The following PCDHGB4 variants were observed in gnomAD, a reference collection of about 807,000 sequenced individuals.
PCDHGB4 encodes the protein protocadherin gamma subfamily B, 4.
In PCDHGB4, 38 loss-of-function variants were observed where a neutral mutation model predicts 60.5. That is an observed-to-expected ratio of 0.63 (90% CI 0.48 to 0.82). PCDHGB4 has a LOEUF of 0.82. PCDHGB4 is among the 40% of genes least tolerant of loss of function. The pLI, the probability that PCDHGB4 is intolerant of heterozygous loss-of-function variation, is 0.00. For missense variants in PCDHGB4, 1,109 were observed against 1,209.6 expected (o/e 0.92, Z 1.23); for synonymous variants, 456 against 509.7 (o/e 0.89, Z 1.42).
intron 1 of PCDHGB4, chr5:141,415,349 A>G (rs921019257): frequency 1.2e-6 from 2 of 1,614,220 alleles, no homozygotes; most frequent in Non-Finnish European, 1.7e-6. Flanking sequence ...CGCTGGCACA[A>G]GTCACGCCTG....
chr5:141,414,990 C>A (rs1442265707), intron 1 of PCDHGB4: 5 of 1,613,794 alleles, frequency 3.1e-6, no homozygotes, highest in Admixed American at 1.7e-5. Context: ...CCGGCCAGAA[C>A]GCCTGGCTGT....
intron 1 of PCDHGB4, chr5:141,409,027 TGA>T: frequency 1.9e-6 from 3 of 1,613,978 alleles, no homozygotes; most frequent in Non-Finnish European, 2.5e-6. Context: ...GGGTCAATGC[TGA>T]GATAAACTAC....
intron 1 of PCDHGB4, chr5:141,413,635 A>C: frequency 6.2e-7 from 1 of 1,613,888 alleles, no homozygotes; most frequent in Non-Finnish European, 8.5e-7. Context: ...CGCTGCGGGA[A>C]TGCGTTTTCC....
At chr5:141,403,348 G>C (rs1031512427) in intron 1 of PCDHGB4, 2 of 1,614,052 alleles carry the variant, frequency 1.2e-6, no homozygotes, top group Middle Eastern at 1.6e-4. Flanking sequence ...GCGCCCCAAA[G>C]TTCCAGGCCG....
intron 1 of PCDHGB4, chr5:141,404,997 C>T: frequency 6.2e-7 from 1 of 1,614,034 alleles, no homozygotes; most frequent in East Asian, 2.2e-5. Flanking sequence ...CAGATCCCTG[C>T]AGACCTGGAG....
rs754935227 is a variant in PCDHGB4 at position 141,395,069 on chromosome 5, C to G, written c.2397+4788C>G. The G allele has an allele frequency of 3.7e-6, 6 of 1,614,006 alleles. No homozygotes were observed. In the African/African-American group the frequency reaches 8.0e-5, roughly 22 times the overall value. ...AGGAGGTACAGGCTTTCCTGCAGAC[C>G]TATTCCCAGGAAGTCTCCCTCACCG... On this transcript the variant is annotated intron_variant, in intron 1 of 3. Transcript: ENST00000519479.
Position 141,395,542 on chromosome 5 carries a change from TTGTGTGTGTGTG to T in PCDHGB4, c.2397+5299_2397+5310del, listed in dbSNP as rs55729045. ...TCCATACTGGTAATTTTGCTATTGT[TTGTGTGTGTGTG>T]TGTGTGTGTGTGTGTGTGTGTGTGT... is the stretch of plus-strand genomic sequence containing the variant. On this transcript the variant is annotated intron_variant, in intron 1 of 3. Coordinates refer to ENST00000519479, the MANE Select transcript of PCDHGB4 (RefSeq NM_003736.4). 188 of 172,586 alleles carry T rather than the reference TTGTGTGTGTGTG, an allele frequency of 1.1e-3. 1 individual carries two copies. Among genetic ancestry groups the T allele is most frequent in the African/African-American group, 5.0e-3 (88 of 17,544 alleles). 10.7% of individuals were successfully genotyped at this position (172,586 alleles called of 1,614,324 possible).
intron 1 of PCDHGB4, chr5:141,399,841 G>C: frequency 6.2e-7 from 1 of 1,613,086 alleles, no homozygotes; most frequent in Non-Finnish European, 8.5e-7. Context: ...TGCGCTCTTC[G>C]ATATGGTGCC....
rs769652961 is a variant in PCDHGB4, at chr5:141,489,435, A to G, written c.2398-5372A>G. ...CAGATCTGTTGAGCCGGCGGCTGCAATTGGGCTCTGAGGAGAATGGGCGCT... is the reference window on the plus strand; with the variant it reads ...CAGATCTGTTGAGCCGGCGGCTGCAGTTGGGCTCTGAGGAGAATGGGCGCT... On this transcript the variant is annotated intron_variant, in intron 1 of 3. Coordinates refer to ENST00000519479, the MANE Select transcript of PCDHGB4 (RefSeq NM_003736.4). This position sits in a 1 kb window ranked among gnomAD's most constrained non-coding sequence, Gnocchi z 4.5. 2 of 1,614,138 alleles carry G rather than the reference A, an allele frequency of 1.2e-6. No homozygotes were observed. The highest frequency in any genetic ancestry group is 1.7e-6 in the Non-Finnish European group (2 of 1,180,024).
At position 141,490,460 on chromosome 5, in the gene PCDHGB4, TA is replaced by T. The variant is rs1393913480; in HGVS notation, c.2398-4345del. 1.2e-6 allele frequency: 2 copies of T among 1,614,094 alleles called. No individual in the cohort carries two copies. The highest frequency in any genetic ancestry group is 1.7e-6 in the Non-Finnish European group (2 of 1,180,048). On this transcript the variant is annotated intron_variant, in intron 1 of 3. Coordinates refer to ENST00000519479, the MANE Select transcript of PCDHGB4 (RefSeq NM_003736.4). The surrounding 1 kb of genome is among the most constrained non-coding windows in gnomAD (Gnocchi z 5.4). ...CCTTCTGAGAACCACTACTCGCTGC[TA>T]ACCAGCCAGCCTTTGGACCGGGAGG... is the stretch of plus-strand genomic sequence containing the variant.
chr5:141,473,776 T>C (rs1026169931), intron 1 of PCDHGB4, among the ~76,000 whole-genome samples: 1 of 152,214 alleles, frequency 6.6e-6, no homozygotes, highest in Non-Finnish European at 1.5e-5. Context: ...TTTGGTATTT[T>C]AATTCAAGAG....
At chr5:141,422,887 C>T in intron 1 of PCDHGB4, 1 of 1,614,264 alleles carries the variant, frequency 6.2e-7, no homozygotes, top group Non-Finnish European at 8.5e-7. Context: ...CCTGTTCGTG[C>T]TGGACCAGAA....
At chr5:141,460,787 C>T (rs1177595415) in intron 1 of PCDHGB4, among the ~76,000 whole-genome samples, 1 of 151,504 alleles carries the variant, frequency 6.6e-6, no homozygotes, top group Non-Finnish European at 1.5e-5. Context: ...TACATATATA[C>T]ACACAAAGTA....
chr5:141,402,091 G>C (rs1453803021), intron 1 of PCDHGB4, among the ~76,000 whole-genome samples: 2 of 152,088 alleles, frequency 1.3e-5, no homozygotes, highest in Non-Finnish European at 2.9e-5. Context: ...TAGCAGAAAA[G>C]TTTAAGCAAT....
intron 1 of PCDHGB4, chr5:141,427,958 G>T: frequency 6.3e-7 from 1 of 1,588,408 alleles, no homozygotes; most frequent in Non-Finnish European, 8.6e-7. Flanking sequence ...ACAATGTGCC[G>T]CGGGTGCTGT....
chr5:141,490,956 A>T lies in PCDHGB4; in HGVS notation c.2398-3851A>T. 1.2e-6 allele frequency: 2 copies of T among 1,613,828 alleles called. No homozygotes were observed. The highest frequency in any genetic ancestry group is 1.7e-6 in the Non-Finnish European group (2 of 1,179,852). ...TGCTGCACCCACGGCCAGACTGGGA[A>T]CACTCAGCCCCCCAGCGTCTCCCTC... On this transcript the variant is annotated intron_variant, in intron 1 of 3. Transcript: ENST00000519479. The surrounding 1 kb of genome is among the most constrained non-coding windows in gnomAD (Gnocchi z 5.4).
intron 1 of PCDHGB4, chr5:141,428,330 T>C: frequency 1.6e-6 from 1 of 628,558 alleles, no homozygotes; most frequent in Non-Finnish European, 2.9e-6. Flanking sequence ...TTGATTTCTA[T>C]GCTCTTCTTC....
chr5:141,445,093 A>G (rs987863232), intron 1 of PCDHGB4, among the ~76,000 whole-genome samples: 2 of 152,168 alleles, frequency 1.3e-5, no homozygotes, highest in Non-Finnish European at 2.9e-5. Flanking sequence ...TACATATTTG[A>G]TGTTTTCTAA....
At chr5:141,399,466 G>A (rs1229342978) in intron 1 of PCDHGB4, 5 of 1,613,886 alleles carry the variant, frequency 3.1e-6, no homozygotes, top group East Asian at 4.5e-5. Context: ...TAACGCTCCG[G>A]TTTTCCACCA....
Sources: allele counts gnomAD v4.1 joint callset (sites outside exome capture counted in the v4.1 genomes callset), GRCh38; gene constraint gnomAD v4.1.1; non-coding constraint Gnocchi (gnomAD v3.1); transcripts MANE v1.5; gene names NCBI Gene and HGNC (gene_info 2026-07-23, HGNC 2026-07-21).